The following SLC25A36 variants were observed in gnomAD, a reference collection of about 807,000 sequenced individuals.
The protein encoded by SLC25A36 is epididymis secretory sperm binding protein.
In SLC25A36, 24 loss-of-function variants were observed where a neutral mutation model predicts 35.3. The observed-to-expected ratio is 0.68, with a 90% CI of 0.49 to 0.96. SLC25A36 has a LOEUF of 0.96. Among genes scored for constraint, SLC25A36 ranks in the 40% least tolerant of loss-of-function variants. SLC25A36 has a pLI of 0.00. For missense variants in SLC25A36, 294 were observed against 381.1 expected (o/e 0.77, Z 1.90); for synonymous variants, 141 against 132.2 (o/e 1.07, Z -0.46).
chr3:140,967,620 A>T (rs1934794752), intron 4 of SLC25A36, among the ~76,000 whole-genome samples: 1 of 152,028 alleles, frequency 6.6e-6, no homozygotes, highest in Non-Finnish European at 1.5e-5. Context: ...CACTACAGGT[A>T]TCACTCACTT....
At chr3:140,942,319 G>A (rs958819438) in intron 1 of SLC25A36, 32 of 428,698 alleles carry the variant, frequency 7.5e-5, no homozygotes, top group Middle Eastern at 6.0e-4. Context: ...CGGGCCCGAG[G>A]GCGAGAGAGT....
At chr3:140,958,940 T>G (rs1231786899) in intron 2 of SLC25A36, among the ~76,000 whole-genome samples, 1 of 151,336 alleles carries the variant, frequency 6.6e-6, no homozygotes, top group Non-Finnish European at 1.5e-5. Flanking sequence ...ATTTATGCTA[T>G]GTCATGAAAA....
At chr3:140,963,099 T>G (rs1934671485) in intron 3 of SLC25A36, 28 bp from the exon 4 acceptor site, 1 of 1,389,988 alleles carries the variant, frequency 7.2e-7, no homozygotes, top group Non-Finnish European at 9.8e-7. Flanking sequence ...AGAACATGCT[T>G]ATTGATAAAT....
chr3:140,950,922 G>C lies in SLC25A36; in HGVS notation c.42-5605G>C, dbSNP rs561056195. Among the ~76,000 whole-genome samples, 18 of 151,298 alleles carry C rather than the reference G, an allele frequency of 1.2e-4. No individual in the cohort carries two copies. The South Asian group carries it at 3.3e-3, about 28-fold the overall frequency. On this transcript the variant is annotated intron_variant, in intron 1 of 6. Coordinates refer to ENST00000324194, the MANE Select transcript of SLC25A36 (RefSeq NM_001104647.3). ...TCTCTGTGTGTGTCTGTGTGTCTGT[G>C]TGTGTGTGTGTGTGTGTGTAAGGCA...
intron 4 of SLC25A36, chr3:140,964,426 C>T (rs1934709653): frequency 6.6e-6 from 1 of 151,818 alleles, no homozygotes; most frequent in Non-Finnish European, 1.5e-5. Flanking sequence ...TTAGCTTACC[C>T]ATGGAATGAG....
chr3:140,970,870 AAG>A (rs1934882236), intron 4 of SLC25A36, 55 bp from the exon 5 acceptor site: 3 of 786,040 alleles, frequency 3.8e-6, no homozygotes, highest in Non-Finnish European at 6.8e-6. Context: ...TAAAACCTTA[AAG>A]TTAATAGTGA....
chr3:140,956,623 T>C lies in SLC25A36; in HGVS notation c.138T>C (p.Val46=). The change falls in exon 2 of 7, where the codon GTT becomes GTC. Residue 46 remains valine, a synonymous_variant. Transcript: ENST00000324194. ...CTGTGACGCTTTATATTTCTGAAGT[T>C]CAGCTGAACACCATGGCTGGAGCCA... is the stretch of plus-strand genomic sequence containing the variant. The part of the protein sequence containing the change: ...SSSVTLYISE[V]QLNTMAGASV... 6.2e-7 allele frequency: 1 copy of C among 1,614,038 alleles called. No homozygotes were observed. The highest frequency in any genetic ancestry group is 8.5e-7 in the Non-Finnish European group (1 of 1,179,982).
intron 5 of SLC25A36, chr3:140,973,232 GTGCA>G (rs1459099411): frequency 6.6e-6 from 1 of 152,154 alleles, no homozygotes; most frequent in Non-Finnish European, 1.5e-5. Flanking sequence ...AATCCCTCAG[GTGCA>G]CAGAATTTTA....
intron 4 of SLC25A36, chr3:140,965,268 T>A (rs1297505976): frequency 1.3e-5 from 2 of 151,742 alleles, no homozygotes; most frequent in Non-Finnish European, 3.0e-5. Context: ...CTAGACCAGA[T>A]TACTCGGGGT....
At chr3:140,969,272 T>C (rs1014099689) in intron 4 of SLC25A36, among the ~76,000 whole-genome samples, 1 of 151,814 alleles carries the variant, frequency 6.6e-6, no homozygotes, top group African/African-American at 2.4e-5. Flanking sequence ...TTCATGTTTT[T>C]CTTTTCTTTT....
chr3:140,957,598 A>G (rs1934510070), intron 2 of SLC25A36, among the ~76,000 whole-genome samples: 1 of 152,034 alleles, frequency 6.6e-6, no homozygotes, highest in Admixed American at 6.6e-5. Flanking sequence ...AAAATTAGCC[A>G]GGTGTGGTGG....
At chr3:140,956,506 C>CT (rs75174363) in intron 1 of SLC25A36, 21 bp from the exon 2 acceptor site, 20,754 of 1,421,104 alleles carry the variant, frequency 0.015, 57 homozygotes, top group African/African-American at 0.041. Context: ...AAGCTGTGTT[C>CT]TTTTTTTTTT....
intron 4 of SLC25A36, chr3:140,964,618 C>T (rs967381715): frequency 4.0e-5 from 6 of 151,808 alleles, no homozygotes; most frequent in African/African-American, 1.4e-4. Context: ...AGTGACAAAC[C>T]TTATAACCAC....
intron 1 of SLC25A36, among the ~76,000 whole-genome samples, chr3:140,949,483 A>T (rs140586291): frequency 1.3e-5 from 2 of 152,238 alleles, no homozygotes; most frequent in African/African-American, 4.8e-5. Flanking sequence ...ATACATAGCT[A>T]TGTGATTATT....
At chr3:140,953,120 A>G (rs1324151912) in intron 1 of SLC25A36, among the ~76,000 whole-genome samples, 1 of 152,202 alleles carries the variant, frequency 6.6e-6, no homozygotes. Flanking sequence ...ATATACTCCA[A>G]GTATACTGTG....
chr3:140,962,074 A>G (rs143304241), intron 3 of SLC25A36, among the ~76,000 whole-genome samples: 1,656 of 152,028 alleles, frequency 0.011, 35 homozygotes, highest in African/African-American at 0.038. Flanking sequence ...TTGCCTATAT[A>G]TATTTCATGG....
Position 140,954,715 on chromosome 3 carries a change from G to A in SLC25A36, c.42-1812G>A, listed in dbSNP as rs146232472. Among the ~76,000 whole-genome samples the A allele has an allele frequency of 4.0e-3, 615 of 152,242 alleles. 2 individuals carry two copies. Among genetic ancestry groups the A allele is most frequent in the African/African-American group, 0.014 (595 of 41,528 alleles). ...TACTGAATTACTTGATTTTATTCCTGACTGTAAGCACTTTTGCAGGTAATG... is the reference window on the plus strand; with the variant it reads ...TACTGAATTACTTGATTTTATTCCTAACTGTAAGCACTTTTGCAGGTAATG... On this transcript the variant is annotated intron_variant, in intron 1 of 6. Coordinates refer to ENST00000324194, the MANE Select transcript of SLC25A36 (RefSeq NM_001104647.3).
chr3:140,946,647 T>TA (rs905839227), intron 1 of SLC25A36, among the ~76,000 whole-genome samples: 1 of 152,140 alleles, frequency 6.6e-6, no homozygotes, highest in African/African-American at 2.4e-5. Context: ...ATGCAGAGTG[T>TA]AGAAGAAGAG....
chr3:140,966,309 G>T, intron 4 of SLC25A36: 1 of 311,074 alleles, frequency 3.2e-6, no homozygotes, highest in South Asian at 2.7e-5. Context: ...TGTTTTGTGT[G>T]TTTGTGTGTA....
Sources: allele counts gnomAD v4.1 joint callset (sites outside exome capture counted in the v4.1 genomes callset), GRCh38; gene constraint gnomAD v4.1.1; transcripts MANE v1.5; gene names NCBI Gene and HGNC (gene_info 2026-07-23, HGNC 2026-07-21).